Variants in EXOC3 observed in about 807,000 individuals in gnomAD.
EXOC3 encodes the protein SEC6-like 1.
Under a neutral mutation model 73.7 loss-of-function variants are expected in EXOC3, and 21 were observed. That is an observed-to-expected ratio of 0.29 (90% confidence interval 0.20 to 0.41). The LOEUF is 0.41. EXOC3 is among the 10% of genes least tolerant of loss of function. The pLI is 1.00. For missense variants in EXOC3, 842 were observed against 985.1 expected, an observed-to-expected ratio of 0.85 and a Z score of 1.95; for synonymous variants, 410 against 389.1, an observed-to-expected ratio of 1.05 and a Z score of -0.63.
At chr5:458,702 T>C (rs538632435) in intron 6 of EXOC3, among the ~76,000 whole-genome samples, 30 of 152,356 alleles carry the variant, frequency 2.0e-4, no homozygotes, top group African/African-American at 7.0e-4. Flanking sequence ...TTTTTTTCTT[T>C]TGGCACATCA....
rs944829742 is a variant in EXOC3 at position 467,086 on chromosome 5, CTG to C, written c.*191_*192del. The C allele has an allele frequency of 6.5e-6, 4 of 614,570 alleles. No individual in the cohort carries two copies. Among genetic ancestry groups the C allele is most frequent in the African/African-American group, 5.5e-5 (3 of 54,172 alleles). 38.1% of individuals were successfully genotyped at this position (614,570 alleles called of 1,614,324 possible). A position where few individuals can be genotyped will look rare whatever the true frequency, so the allele number is the denominator to read the frequency against. On this transcript the variant is annotated 3_prime_UTR_variant, in exon 13 of 13. Coordinates refer to ENST00000512944, the MANE Select transcript of EXOC3 (RefSeq NM_007277.5). ...CGAGGCCACGTGCGGAGGCCCCTCACTGTGCTGTCAAAGGCCTGTGGGTGCAG... is the reference window on the plus strand; with the variant it reads ...CGAGGCCACGTGCGGAGGCCCCTCACTGCTGTCAAAGGCCTGTGGGTGCAG...
At chr5:447,792 T>C (rs1182211585) in intron 3 of EXOC3, 40 bp downstream of exon 3, 13 of 1,379,994 alleles carry the variant, frequency 9.4e-6, no homozygotes, top group African/African-American at 1.4e-5. Context: ...CCACTCACGC[T>C]GTCTTTGCAT....
intron 6 of EXOC3, 124 bp downstream of exon 6, chr5:458,149 C>A: frequency 2.9e-6 from 3 of 1,026,454 alleles, no homozygotes; most frequent in Non-Finnish European, 4.2e-6. Context: ...ATATTGAGAG[C>A]CCTGCCTGGT....
intron 4 of EXOC3, among the ~76,000 whole-genome samples, chr5:456,429 C>T (rs1397235947): frequency 2.6e-5 from 4 of 151,754 alleles, no homozygotes; most frequent in South Asian, 2.1e-4. Flanking sequence ...TGACTGAGTA[C>T]GTTTGTTTAT....
intron 4 of EXOC3, among the ~76,000 whole-genome samples, chr5:454,565 G>A (rs1378337622): frequency 6.6e-6 from 1 of 152,198 alleles, no homozygotes; most frequent in Admixed American, 6.5e-5. Context: ...ACAGTTACAA[G>A]TCTAGATAGT....
intron 3 of EXOC3, among the ~76,000 whole-genome samples, chr5:451,982 A>G (rs184599013): frequency 6.6e-6 from 1 of 152,316 alleles, no homozygotes; most frequent in East Asian, 1.9e-4. Context: ...AATTCTTTCA[A>G]AAGTTTGATT....
chr5:465,820 C>A lies in EXOC3; in HGVS notation c.2041C>A (p.Leu681Met), dbSNP rs776836177. The change falls in exon 12 of 13, where the codon CTG becomes ATG. Residue 681 changes from leucine (L) to methionine (M), a missense_variant. Physicochemically the swap from Leu to Met is conservative, Grantham distance 15. Transcript: ENST00000512944. ...PSLLYLEVST[L>M]VSKYPDIRDD... Reference sequence around the variant, plus strand: ...TCTGCTCTACCTGGAGGTCTCCACTCTGGTCAGCAAGTATCCAGACATCAG... The same window carrying A: ...TCTGCTCTACCTGGAGGTCTCCACTATGGTCAGCAAGTATCCAGACATCAG... The A allele has an allele frequency of 4.3e-6, 7 of 1,612,328 alleles. No homozygotes were observed. Among genetic ancestry groups the A allele is most frequent in the Non-Finnish European group, 5.1e-6 (6 of 1,179,226 alleles).
intron 11 of EXOC3, 48 bp downstream of exon 11, chr5:465,320 C>T (rs1738110612): frequency 6.5e-7 from 1 of 1,542,140 alleles, no homozygotes. Context: ...CGCTCCGCGG[C>T]CCTGTTCAGC....
chr5:464,347 A>G lies in EXOC3; in HGVS notation c.1711A>G (p.Ile571Val). The G allele has an allele frequency of 6.2e-7, 1 of 1,613,734 alleles. No individual in the cohort carries two copies. The stretch of plus-strand genomic sequence containing the variant: ...GCTATTAGGGTCAAACGCTGTAGAC[A>G]TTATCTGTGTCACCGTGGAAGACTA... ...KWLLGSNAVD[I>V]ICVTVEDYFN... The change falls in exon 10 of 13, where the codon ATT (isoleucine) becomes GTT (valine). Residue 571 changes from isoleucine to valine, a missense_variant. Physicochemically the swap from Ile to Val is conservative, Grantham distance 29. Coordinates refer to ENST00000512944, the MANE Select transcript of EXOC3 (RefSeq NM_007277.5).
At chr5:449,545 A>G (rs955089472) in intron 3 of EXOC3, among the ~76,000 whole-genome samples, 3 of 152,188 alleles carry the variant, frequency 2.0e-5, no homozygotes, top group East Asian at 3.8e-4. Context: ...GGCATCACAC[A>G]TTATCTGTCT....
rs534195500 is a variant in EXOC3 at position 463,405 on chromosome 5, A to G, written c.1654-885A>G. ...CATTAAAAGCAACACCAGTGTCCTCATCGTGAAACTAGACGCCCGATCTTA... is the reference window on the plus strand; with the variant it reads ...CATTAAAAGCAACACCAGTGTCCTCGTCGTGAAACTAGACGCCCGATCTTA... On this transcript the variant is annotated intron_variant, in intron 9 of 12. Transcript: ENST00000512944. Among the ~76,000 whole-genome samples the G allele has an allele frequency of 3.3e-5, 5 of 152,374 alleles. No individual in the cohort carries two copies. In the East Asian group the frequency reaches 7.7e-4, roughly 23 times the overall value.
chr5:466,582 C>A, intron 12 of EXOC3, 145 bp from the exon 13 acceptor site: 1 of 686,050 alleles, frequency 1.5e-6, no homozygotes, highest in Non-Finnish European at 2.4e-6. Context: ...TTGTCTCCCG[C>A]TGAAAAGGGA....
intron 2 of EXOC3, 171 bp from the exon 3 acceptor site, chr5:447,362 C>T (rs1375077711): frequency 1.7e-6 from 1 of 584,408 alleles, no homozygotes; most frequent in Non-Finnish European, 3.0e-6. Flanking sequence ...AAAAGGTACA[C>T]TGTGAATCAA....
intron 5 of EXOC3, 83 bp from the exon 6 acceptor site, chr5:457,817 A>T: frequency 7.0e-7 from 1 of 1,435,012 alleles, no homozygotes. Flanking sequence ...GAGCTTGTGC[A>T]TGCAACTGAC....
intron 11 of EXOC3, 108 bp downstream of exon 11, chr5:465,380 C>T (rs916983806): frequency 1.5e-6 from 2 of 1,307,346 alleles, no homozygotes; most frequent in South Asian, 1.3e-5. Flanking sequence ...GTGTGTTTGT[C>T]AGGCGGGGGG....
At chr5:445,811 C>T (rs907801862) in intron 1 of EXOC3, among the ~76,000 whole-genome samples, 1 of 152,098 alleles carries the variant, frequency 6.6e-6, no homozygotes, top group Admixed American at 6.6e-5. Flanking sequence ...GGAAAGCTCC[C>T]GAAATGAGAA....
chr5:447,595 G>A lies in EXOC3; in HGVS notation c.207G>A (p.Leu69=). ...GCCTCAGCCAGCTCCACAACGCCCT[G>A]AATGACGTCAAAGACATCCAGCAGT... is the stretch of plus-strand genomic sequence containing the variant. The part of the protein sequence containing the change: ...RTGLSQLHNA[L]NDVKDIQQSL... Residue 69 remains leucine, a synonymous_variant, in exon 3 of 13, where the codon CTG becomes CTA. Transcript: ENST00000512944. 2 of 1,591,124 alleles carry A rather than the reference G, an allele frequency of 1.3e-6. No homozygotes were observed. Among genetic ancestry groups the A allele is most frequent in the African/African-American group, 2.7e-5 (2 of 74,428 alleles).
intron 10 of EXOC3, chr5:464,788 C>G (rs1209026934): frequency 6.6e-6 from 3 of 453,810 alleles, no homozygotes; most frequent in Non-Finnish European, 1.2e-5. Flanking sequence ...TTTCCAGATG[C>G]TGCGGTCGTT....
In EXOC3 at chr5:443,276, G is replaced by GCGGCGGCGT; in HGVS notation, c.-69_-68insGCGGCGTCG. The GCGGCGGCGT allele has an allele frequency of 7.0e-6, 1 of 142,680 alleles. No individual in the cohort carries two copies. The highest frequency in any genetic ancestry group is 1.9e-4 in the South Asian group (1 of 5,316). 8.8% of individuals were successfully genotyped at this position (142,680 alleles called of 1,614,324 possible). ...GGCGGCGGCGGCGGCGGCGGCGGCG[G>GCGGCGGCGT]CGTAGCCGTAGAGGGTGAGTCGGTG... On this transcript the variant is annotated 5_prime_UTR_variant, in exon 1 of 13. Transcript: ENST00000512944.
Sources: gnomAD v4.1 joint callset for allele counts (sites outside exome capture counted in the v4.1 genomes callset) on GRCh38, gnomAD v4.1.1 for gene constraint, MANE v1.5 for transcripts, NCBI Gene and HGNC (gene_info 2026-07-23, HGNC 2026-07-21) for gene names.